The following SV2B variants were observed in gnomAD, a reference collection of about 807,000 sequenced individuals.
The protein encoded by SV2B is synaptic vesicle glycoprotein 2B.
Under a neutral mutation model 73.9 loss-of-function variants are expected in SV2B, and 41 were observed. The observed-to-expected ratio is 0.56, with a 90% CI of 0.43 to 0.72. SV2B has a LOEUF of 0.72. Among genes scored for constraint, SV2B ranks in the 30% least tolerant of loss-of-function variants. The probability of loss-of-function intolerance (pLI) is 0.00; values close to 1 mark genes in which losing one functional copy is unlikely to be tolerated. For missense variants in SV2B, 764 were observed against 857.8 expected, an observed-to-expected ratio of 0.89 and a Z score of 1.37; for synonymous variants, 314 against 314.2, an observed-to-expected ratio of 1.00 and a Z score of 0.01.
intron 1 of SV2B, among the ~76,000 whole-genome samples, chr15:91,162,947 T>C (rs1407052082): frequency 6.8e-6 from 1 of 147,930 alleles, no homozygotes; most frequent in Non-Finnish European, 1.5e-5. Context: ...CTGTGTGTGA[T>C]GTTCCCCACC....
intron 1 of SV2B, among the ~76,000 whole-genome samples, chr15:91,177,896 C>A (rs999716200): frequency 6.8e-6 from 1 of 146,698 alleles, no homozygotes; most frequent in African/African-American, 2.6e-5. Flanking sequence ...CCTTCTCCTG[C>A]CTAATTGCCC....
rs2042681847 is a variant in SV2B, at chr15:91,132,382, G to A, written c.-392+32019G>A. On this transcript the variant is annotated intron_variant, in intron 1 of 12. Coordinates refer to ENST00000394232, the MANE Select transcript of SV2B (RefSeq NM_001323032.3). The surrounding 1 kb of genome is among the most constrained non-coding windows in gnomAD (Gnocchi z 4.6). ...AAACATTGGTTGCAAAAACAATCAG[G>A]GGTTAGGGTGAAGTAAAGTTATACT... Among the ~76,000 whole-genome samples the A allele has an allele frequency of 6.6e-6, 1 of 152,204 alleles. No homozygotes were observed. The highest frequency in any genetic ancestry group is 1.5e-5 in the Non-Finnish European group (1 of 68,042).
At chr15:91,101,063 T>A (rs2151709900) in intron 1 of SV2B, among the ~76,000 whole-genome samples, 1 of 152,360 alleles carries the variant, frequency 6.6e-6, no homozygotes, top group South Asian at 2.1e-4. Flanking sequence ...CACTCCTTTA[T>A]CCGGAAATTA....
At chr15:91,247,738 T>A (rs979716556) in intron 2 of SV2B, among the ~76,000 whole-genome samples, 8 of 152,122 alleles carry the variant, frequency 5.3e-5, no homozygotes, top group African/African-American at 1.9e-4. Flanking sequence ...AGGTGCTTTC[T>A]TCTTTCCCCA....
At chr15:91,111,406 AG>A (rs947387926) in intron 1 of SV2B, among the ~76,000 whole-genome samples, 6 of 152,224 alleles carry the variant, frequency 3.9e-5, no homozygotes, top group African/African-American at 1.2e-4. Flanking sequence ...GCTCTGCAGT[AG>A]GGGAGCTCAT....
chr15:91,112,952 G>A (rs1305517671), intron 1 of SV2B, among the ~76,000 whole-genome samples: 1 of 152,140 alleles, frequency 6.6e-6, no homozygotes, highest in African/African-American at 2.4e-5. Flanking sequence ...GAGTAGCTGG[G>A]ATGAAAAGGC....
At chr15:91,164,366 G>A (rs2043836391) in intron 1 of SV2B, among the ~76,000 whole-genome samples, 1 of 152,156 alleles carries the variant, frequency 6.6e-6, no homozygotes, top group Admixed American at 6.5e-5. Flanking sequence ...AAGGCTACGG[G>A]ACTGCTTTCA....
chr15:91,247,537 T>G (rs1043556155), intron 2 of SV2B, among the ~76,000 whole-genome samples: 3 of 152,074 alleles, frequency 2.0e-5, no homozygotes, highest in Non-Finnish European at 4.4e-5. Flanking sequence ...ATTGGAATGA[T>G]TATAACTTAG....
rs566451128 is a variant in SV2B at position 91,221,820 on chromosome 15, C to G, written c.-391-4053C>G. On this transcript the variant is annotated intron_variant, in intron 1 of 12. Transcript: ENST00000394232. The stretch of plus-strand genomic sequence containing the variant: ...CCCCACCAGGAGGACCTTTCCAGAG[C>G]CCTGCCCTGCTGCACTGCACTGCTG... Among the ~76,000 whole-genome samples the G allele has an allele frequency of 9.2e-5, 14 of 152,280 alleles. No homozygotes were observed. In the East Asian group the frequency reaches 2.5e-3, roughly 27 times the overall value.
At chr15:91,226,753 AAGG>A in intron 2 of SV2B, 39 bp downstream of exon 2, 1 of 1,576,494 alleles carries the variant, frequency 6.3e-7, no homozygotes, top group African/African-American at 1.4e-5. Flanking sequence ...AATGAAAGGG[AAGG>A]AGAAGTAAAA....
intron 1 of SV2B, among the ~76,000 whole-genome samples, chr15:91,164,431 A>G (rs1245287770): frequency 6.6e-5 from 10 of 152,238 alleles, no homozygotes; most frequent in Non-Finnish European, 4.4e-5. Context: ...CCTTTAAGCC[A>G]GAATACTGTG....
rs573732564 is a variant in SV2B, at chr15:91,292,957, T to C, written c.*405T>C. On this transcript the variant is annotated 3_prime_UTR_variant, in exon 13 of 13. Transcript: ENST00000394232. ...GAAAGCTCCTTGGAGCCCAACAACT[T>C]AACAAATCAACTTGGCTGGAAGTTA... 5 of 157,376 alleles carry C rather than the reference T, an allele frequency of 3.2e-5. No individual in the cohort carries two copies. Among genetic ancestry groups the C allele is most frequent in the African/African-American group, 1.2e-4 (5 of 41,816 alleles). The allele number at this position is 157,376 out of a possible 1,614,324, so 9.7% of individuals were successfully genotyped here.
chr15:91,265,977 T>G lies in SV2B; in HGVS notation c.1009-605T>G, dbSNP rs950955223. The stretch of plus-strand genomic sequence containing the variant: ...CCAACATGGTGAAACCCTGTCTCTA[T>G]TAAAAAATACAAAAAATTAGCTGGG... On this transcript the variant is annotated intron_variant, in intron 6 of 12. Coordinates refer to ENST00000394232, the MANE Select transcript of SV2B (RefSeq NM_001323032.3). This position sits in a 1 kb window ranked among gnomAD's most constrained non-coding sequence, Gnocchi z 4.2. Among the ~76,000 whole-genome samples, 3 of 152,030 alleles carry G rather than the reference T, an allele frequency of 2.0e-5. No individual in the cohort carries two copies. Among genetic ancestry groups the G allele is most frequent in the African/African-American group, 2.4e-5 (1 of 41,392 alleles).
chr15:91,138,637 T>C (rs755245123), intron 1 of SV2B, among the ~76,000 whole-genome samples: 3 of 152,154 alleles, frequency 2.0e-5, no homozygotes, highest in Non-Finnish European at 4.4e-5. Flanking sequence ...CAAAACAATA[T>C]AGTATAGCAA....
chr15:91,160,672 CAAAT>C (rs1291459122), intron 1 of SV2B, among the ~76,000 whole-genome samples: 1 of 152,006 alleles, frequency 6.6e-6, no homozygotes, highest in African/African-American at 2.4e-5. Context: ...TGAAAACAGA[CAAAT>C]AATCGGTGGA....
chr15:91,280,896 T>G lies in SV2B; in HGVS notation c.1374-832T>G, dbSNP rs1336225327. On this transcript the variant is annotated intron_variant, in intron 9 of 12. Transcript: ENST00000394232. The surrounding 1 kb of genome is among the most constrained non-coding windows in gnomAD (Gnocchi z 5.8). ...ATATATTTGGAAGCATATGTATCCA[T>G]GCCCTTTCTTACCTTAATGAGCCTG... is the stretch of plus-strand genomic sequence containing the variant. Among the ~76,000 whole-genome samples the G allele has an allele frequency of 1.3e-5, 2 of 152,252 alleles. No homozygotes were observed. Among genetic ancestry groups the G allele is most frequent in the African/African-American group, 4.8e-5 (2 of 41,460 alleles).
chr15:91,117,351 A>C (rs2042209869), intron 1 of SV2B, among the ~76,000 whole-genome samples: 2 of 152,272 alleles, frequency 1.3e-5, no homozygotes, highest in Admixed American at 1.3e-4. Flanking sequence ...TACAGTGCTC[A>C]GCACAATGTT....
chr15:91,268,686 T>G lies in SV2B; in HGVS notation c.1373+81T>G. 6.5e-7 allele frequency: 1 copy of G among 1,528,406 alleles called. No homozygotes were observed. The highest frequency in any genetic ancestry group is 2.3e-5 in the East Asian group (1 of 43,632). The allele number at this position is 1,528,406 out of a possible 1,614,324, so 94.7% of individuals were successfully genotyped here. On this transcript the variant is annotated intron_variant, in intron 9 of 12. Transcript: ENST00000394232. The surrounding 1 kb of genome is among the most constrained non-coding windows in gnomAD (Gnocchi z 4.4). The stretch of plus-strand genomic sequence containing the variant: ...TATTGGGAGGGAGCCGGAGGGAAGA[T>G]AAGAATCAAATATGGCCGGGAATGA...
At chr15:91,135,452 CAG>C (rs1006434222) in intron 1 of SV2B, among the ~76,000 whole-genome samples, 1 of 152,168 alleles carries the variant, frequency 6.6e-6, no homozygotes, top group African/African-American at 2.4e-5. Flanking sequence ...CCATGAAAAA[CAG>C]AGGTACTTTT....
Sources: gnomAD v4.1 joint callset for allele counts (sites outside exome capture counted in the v4.1 genomes callset) on GRCh38, gnomAD v4.1.1 for gene constraint, Gnocchi (gnomAD v3.1) non-coding constraint, MANE v1.5 for transcripts, NCBI Gene and HGNC (gene_info 2026-07-23, HGNC 2026-07-21) for gene names.